CPEB3: variants seen among roughly 807,000 people sequenced by gnomAD.
CPEB3 encodes the protein cytoplasmic polyadenylation element binding protein 3.
CPEB3 carries 20 observed loss-of-function variants against 67.2 expected under a neutral mutation model. The observed-to-expected ratio is 0.30, with a 90% CI of 0.21 to 0.43. The LOEUF (loss-of-function observed/expected upper bound fraction) is 0.43. Among genes scored for constraint, CPEB3 ranks in the 20% least tolerant of loss-of-function variants. The probability of loss-of-function intolerance (pLI) is 1.00; values close to 1 mark genes in which losing one functional copy is unlikely to be tolerated. For missense variants in CPEB3, 746 were observed against 968.6 expected (o/e 0.77, Z 3.05); for synonymous variants, 376 against 393.1 (o/e 0.96, Z 0.51).
chr10:92,230,120 G>T lies in CPEB3; in HGVS notation c.1005+9226C>A, dbSNP rs146694680. Among the ~76,000 whole-genome samples, 162 of 152,098 alleles carry T rather than the reference G, an allele frequency of 1.1e-3. 1 individual carries two copies. The highest frequency in any genetic ancestry group is 3.5e-3 in the Middle Eastern group (1 of 286). Reference sequence around the variant, plus strand: ...AAATATACCACATGTAAAGATAAAGGACAAAATTATAACTTGGTTTAAATG... The same window carrying T: ...AAATATACCACATGTAAAGATAAAGTACAAAATTATAACTTGGTTTAAATG... On this transcript the variant is annotated intron_variant, in intron 2 of 9. Transcript: ENST00000265997.
chr10:92,126,252 A>C (rs1845605105), intron 6 of CPEB3, among the ~76,000 whole-genome samples: 1 of 152,164 alleles, frequency 6.6e-6, no homozygotes, highest in Non-Finnish European at 1.5e-5. Flanking sequence ...CACACACCCT[A>C]GTACAGCCTC....
intron 3 of CPEB3, among the ~76,000 whole-genome samples, chr10:92,191,492 G>A (rs1471297470): frequency 6.6e-6 from 1 of 152,080 alleles, no homozygotes; most frequent in Non-Finnish European, 1.5e-5. Context: ...ACTGGAAAAT[G>A]AGGAAAGCAG....
chr10:92,128,368 T>C (rs889488094), intron 6 of CPEB3, among the ~76,000 whole-genome samples: 7 of 152,200 alleles, frequency 4.6e-5, no homozygotes, highest in Admixed American at 3.3e-4. Context: ...TAAGAAAGTA[T>C]ACAAATTTTT....
intron 3 of CPEB3, 106 bp from the exon 4 acceptor site, chr10:92,181,125 C>A: frequency 1.6e-6 from 1 of 622,578 alleles, no homozygotes; most frequent in Non-Finnish European, 2.8e-6. Flanking sequence ...TAATCTATAA[C>A]AATGCTATCA....
intron 6 of CPEB3, among the ~76,000 whole-genome samples, chr10:92,126,724 A>T (rs1286316937): frequency 2.0e-5 from 3 of 152,226 alleles, no homozygotes; most frequent in Non-Finnish European, 4.4e-5. Flanking sequence ...AAAACAAATA[A>T]AAATAACTTT....
intron 2 of CPEB3, among the ~76,000 whole-genome samples, chr10:92,211,018 C>T (rs1434719514): frequency 6.6e-6 from 1 of 152,122 alleles, no homozygotes; most frequent in African/African-American, 2.4e-5. Context: ...TCACTGCACT[C>T]CAGCCTGGGC....
At chr10:92,145,611 A>T (rs1271660977) in intron 4 of CPEB3, among the ~76,000 whole-genome samples, 1 of 150,926 alleles carries the variant, frequency 6.6e-6, no homozygotes, top group East Asian at 1.9e-4. Context: ...CTCCAGCCTG[A>T]GCAACAAGAG....
chr10:92,195,968 T>C (rs575101730), intron 2 of CPEB3, among the ~76,000 whole-genome samples: 2 of 152,244 alleles, frequency 1.3e-5, no homozygotes, highest in East Asian at 3.9e-4. Flanking sequence ...CTATCACAAA[T>C]GGATATCTGA....
rs1359372693 is a variant in CPEB3, at chr10:92,047,846, A to T, written c.*4366T>A. The T allele has an allele frequency of 6.6e-6, 1 of 152,238 alleles. No homozygotes were observed. Among genetic ancestry groups the T allele is most frequent in the Non-Finnish European group, 1.5e-5 (1 of 68,030 alleles). The allele number at this position is 152,238 out of a possible 1,614,324, so 9.4% of individuals were successfully genotyped here. A position where few individuals can be genotyped will look rare whatever the true frequency, so the allele number is the denominator to read the frequency against. On this transcript the variant is annotated 3_prime_UTR_variant, in exon 10 of 10. Transcript: ENST00000265997. The stretch of plus-strand genomic sequence containing the variant: ...ATGGAGCTGAAAGAGGCCATCAACC[A>T]CTAGTAGAAACATATCATCTATCTG...
intron 8 of CPEB3, among the ~76,000 whole-genome samples, chr10:92,084,822 G>A (rs907399984): frequency 1.3e-5 from 2 of 152,126 alleles, no homozygotes; most frequent in Non-Finnish European, 2.9e-5. Flanking sequence ...CTCATGATCC[G>A]CCTGCCTCGG....
intron 7 of CPEB3, among the ~76,000 whole-genome samples, chr10:92,092,597 T>C (rs1843666429): frequency 1.3e-5 from 2 of 152,088 alleles, no homozygotes; most frequent in African/African-American, 2.4e-5. Flanking sequence ...CTGGCCAACA[T>C]GGTGAAACCC....
At chr10:92,231,815 G>T (rs1851283036) in intron 2 of CPEB3, among the ~76,000 whole-genome samples, 1 of 152,042 alleles carries the variant, frequency 6.6e-6, no homozygotes, top group African/African-American at 2.4e-5. Flanking sequence ...CGCCTCCCGG[G>T]TTCAAGTGAT....
At chr10:92,190,660 C>T (rs112515598) in intron 3 of CPEB3, among the ~76,000 whole-genome samples, 1 of 71,608 alleles carries the variant, frequency 1.4e-5, no homozygotes, top group Non-Finnish European at 2.5e-5. Flanking sequence ...AGCGAAACTC[C>T]ATCTCAAAAA....
Position 92,239,665 on chromosome 10 carries a change from G to C in CPEB3, c.686C>G (p.Ala229Gly). ...CGACGAGGCGGCGGCTGCGGCAGCAGCGGCTGCAACCGCCGAAGACGAGGA... is the reference window on the plus strand; with the variant it reads ...CGACGAGGCGGCGGCTGCGGCAGCACCGGCTGCAACCGCCGAAGACGAGGA... The part of the protein sequence containing the change: ...KPSSSSAVAA[A>G]AAAAAASSAS... Residue 229 changes from alanine (A) to glycine (G), a missense_variant, in exon 2 of 10, where the codon GCT (alanine) becomes GGT (glycine). Physicochemically the swap from Ala to Gly is moderately conservative, Grantham distance 60 (BLOSUM62 0). This residue lies in a region of CPEB3 where 643 missense variants were observed against 717.5 expected (regional missense o/e 0.90). Coordinates refer to ENST00000265997, the MANE Select transcript of CPEB3 (RefSeq NM_014912.5). This position sits in a 1 kb window ranked among gnomAD's most constrained non-coding sequence, Gnocchi z 6.0. The C allele has an allele frequency of 6.4e-7, 1 of 1,562,630 alleles. No individual in the cohort carries two copies. Among genetic ancestry groups the C allele is most frequent in the Non-Finnish European group, 8.7e-7 (1 of 1,155,096 alleles).
rs544939829 is a variant in CPEB3, at chr10:92,225,884, G to A, written c.1005+13462C>T. The stretch of plus-strand genomic sequence containing the variant: ...GAGGCCGAGGCAGGCAGATCACGAG[G>A]TCAGGAGTTGGAGACCAGCCTGACC... On this transcript the variant is annotated intron_variant, in intron 2 of 9. Coordinates refer to ENST00000265997, the MANE Select transcript of CPEB3 (RefSeq NM_014912.5). 5.3e-5 allele frequency among the ~76,000 whole-genome samples: 8 copies of A among 152,296 alleles called. No individual in the cohort carries two copies. The East Asian group carries it at 1.5e-3, about 29-fold the overall frequency.
Position 92,239,505 on chromosome 10 carries a change from C to G in CPEB3, c.846G>C (p.Val282=), listed in dbSNP as rs771437038. ...VGVGVGVGVG[V]PSPLNPISPL... is the part of the protein sequence containing the mutation. Reference sequence around the variant, plus strand: ...GCGAGATGGGGTTGAGCGGGGAAGGCACCCCGACACCCACACCCACGCCCA... The same window carrying G: ...GCGAGATGGGGTTGAGCGGGGAAGGGACCCCGACACCCACACCCACGCCCA... Residue 282 remains valine (V), a synonymous_variant, in exon 2 of 10, where the codon GTG becomes GTC. Transcript: ENST00000265997. This position sits in a 1 kb window ranked among gnomAD's most constrained non-coding sequence, Gnocchi z 6.0. 2 of 1,576,936 alleles carry G rather than the reference C, an allele frequency of 1.3e-6. No homozygotes were observed. The highest frequency in any genetic ancestry group is 1.7e-6 in the Non-Finnish European group (2 of 1,160,726).
At chr10:92,058,580 CATACATACATACAT>C (rs1430528893) in intron 9 of CPEB3, among the ~76,000 whole-genome samples, 85 of 121,544 alleles carry the variant, frequency 7.0e-4, no homozygotes, top group African/African-American at 2.2e-3. Flanking sequence ...TACATACATA[CATACATACATACAT>C]ATATATATAT....
At chr10:92,197,290 TG>T (rs1461410684) in intron 2 of CPEB3, among the ~76,000 whole-genome samples, 1 of 152,240 alleles carries the variant, frequency 6.6e-6, no homozygotes, top group Admixed American at 6.5e-5. Context: ...TCATCCTTTT[TG>T]TTTTAGAAGT....
chr10:92,105,415 T>C (rs1031222076), intron 7 of CPEB3, among the ~76,000 whole-genome samples: 1 of 152,200 alleles, frequency 6.6e-6, no homozygotes, highest in African/African-American at 2.4e-5. Context: ...ATATTCTCCA[T>C]TCATGTCACA....
Sources: gnomAD v4.1 joint callset for allele counts (sites outside exome capture counted in the v4.1 genomes callset) on GRCh38, gnomAD v4.1.1 for gene constraint, gnomAD v4.1.1 regional missense constraint, Gnocchi (gnomAD v3.1) non-coding constraint, MANE v1.5 for transcripts, NCBI Gene and HGNC (gene_info 2026-07-23, HGNC 2026-07-21) for gene names.